Variants in MET observed in about 807,000 individuals in gnomAD.
The protein encoded by MET is hepatocyte growth factor receptor.
MET carries 48 observed loss-of-function variants against 133.1 expected under a neutral mutation model. The observed-to-expected ratio is 0.36, with a 90% confidence interval of 0.29 to 0.46. The LOEUF is 0.46. MET is among the 20% of genes least tolerant of loss of function. MET has a pLI of 1.00. For missense variants in MET, 1,442 were observed against 1,695.9 expected (o/e 0.85, Z 2.63); for synonymous variants, 628 against 616.5 (o/e 1.02, Z -0.28).
intron 13 of MET, 69 bp downstream of exon 13, chr7:116,771,723 C>T (rs755150738): frequency 3.0e-5 from 48 of 1,607,432 alleles, no homozygotes; most frequent in Middle Eastern, 1.7e-4. Flanking sequence ...TTAAGATTGT[C>T]GTCGATTCTT....
intron 17 of MET, among the ~76,000 whole-genome samples, chr7:116,779,384 A>G (rs1310741467): frequency 6.6e-6 from 1 of 152,190 alleles, no homozygotes; most frequent in Non-Finnish European, 1.5e-5. Flanking sequence ...CACCTCAGGA[A>G]CTTTGCACTT....
At chr7:116,749,376 G>A (rs1793828319) in intron 5 of MET, among the ~76,000 whole-genome samples, 1 of 152,168 alleles carries the variant, frequency 6.6e-6, no homozygotes, top group Non-Finnish European at 1.5e-5. Flanking sequence ...TATTGCAATA[G>A]ATGCAGAAAA....
chr7:116,722,622 G>A (rs1315824987), intron 2 of MET, among the ~76,000 whole-genome samples: 1 of 149,926 alleles, frequency 6.7e-6, no homozygotes, highest in Non-Finnish European at 1.5e-5. Flanking sequence ...GCTGGTACCG[G>A]TTGTTCCTTT....
chr7:116,727,175 G>A (rs1299926681), intron 2 of MET, among the ~76,000 whole-genome samples: 4 of 152,114 alleles, frequency 2.6e-5, no homozygotes, highest in African/African-American at 9.7e-5. Context: ...TTAAAGTCAG[G>A]GACTTAAATG....
intron 5 of MET, among the ~76,000 whole-genome samples, chr7:116,752,786 G>A (rs910361745): frequency 3.3e-5 from 5 of 152,010 alleles, no homozygotes; most frequent in Admixed American, 6.6e-5. Context: ...TGTGTAGAGT[G>A]ACAGACTTCA....
chr7:116,742,530 C>A (rs1044654231), intron 5 of MET, among the ~76,000 whole-genome samples: 3 of 152,118 alleles, frequency 2.0e-5, no homozygotes, highest in East Asian at 3.9e-4. Flanking sequence ...AATTTCATTT[C>A]AAAAATAACC....
intron 1 of MET, among the ~76,000 whole-genome samples, chr7:116,691,715 T>A (rs1796784048): frequency 6.6e-6 from 1 of 152,098 alleles, no homozygotes; most frequent in Non-Finnish European, 1.5e-5. Flanking sequence ...GCATCAGACA[T>A]CCCAAGTTAA....
At position 116,699,827 on chromosome 7, in the gene MET, A is replaced by T. The variant is rs769181927; in HGVS notation, c.743A>T (p.Lys248Met). 3.1e-6 allele frequency: 5 copies of T among 1,613,996 alleles called. No individual in the cohort carries two copies. The African/African-American group carries it at 5.3e-5, about 17-fold the overall frequency. ...GAGTTCAGAGATTCTTACCCCATTA[A>T]GTATGTCCATGCCTTTGAAAGCAAC... ...LPEFRDSYPI[K>M]YVHAFESNNF... The change falls in exon 2 of 21, where the codon AAG becomes ATG. Residue 248 changes from lysine to methionine, a missense_variant. Coordinates refer to ENST00000397752, the MANE Select transcript of MET (RefSeq NM_000245.4).
chr7:116,716,457 AAGAAAGAAAG>A (rs1331631723), intron 2 of MET, among the ~76,000 whole-genome samples: 22 of 146,028 alleles, frequency 1.5e-4, no homozygotes, highest in Admixed American at 5.6e-4. Flanking sequence ...AGAAAAAGAA[AAGAAAGAAAG>A]AGAAAGAAAG....
intron 1 of MET, among the ~76,000 whole-genome samples, chr7:116,672,971 T>C (rs1796027505): frequency 6.6e-6 from 1 of 152,160 alleles, no homozygotes; most frequent in Admixed American, 6.5e-5. Context: ...GTTCCCAGCC[T>C]TGCTTTATCT....
chr7:116,682,146 A>G (rs1796383939), intron 1 of MET, among the ~76,000 whole-genome samples: 1 of 152,344 alleles, frequency 6.6e-6, no homozygotes, highest in East Asian at 1.9e-4. Context: ...CCAAAAAAAA[A>G]TTGTTCTTTA....
chr7:116,727,463 G>T (rs533974682), intron 2 of MET, among the ~76,000 whole-genome samples: 1 of 152,098 alleles, frequency 6.6e-6, no homozygotes, highest in Non-Finnish European at 1.5e-5. Context: ...GCAGGAAAAA[G>T]TTTGATTTCC....
intron 1 of MET, among the ~76,000 whole-genome samples, chr7:116,676,122 T>A (rs1482172028): frequency 6.6e-6 from 1 of 152,222 alleles, no homozygotes; most frequent in Non-Finnish European, 1.5e-5. Flanking sequence ...ATAAAAAAGT[T>A]AACTTTGTAA....
At chr7:116,782,120 C>T (rs1255306147) in intron 18 of MET, 23 bp downstream of exon 18, 5 of 1,489,920 alleles carry the variant, frequency 3.4e-6, no homozygotes, top group South Asian at 2.3e-5. Context: ...ATCTCTGTGC[C>T]ACAATCCAAA....
chr7:116,775,302 T>G (rs1349460819), intron 15 of MET, among the ~76,000 whole-genome samples, 191 bp downstream of exon 15: 1 of 152,220 alleles, frequency 6.6e-6, no homozygotes, highest in East Asian at 1.9e-4. Flanking sequence ...CCCTTGTGCA[T>G]GGAAGCAATT....
At chr7:116,786,091 G>A (rs1488111638) in intron 19 of MET, among the ~76,000 whole-genome samples, 1 of 152,266 alleles carries the variant, frequency 6.6e-6, no homozygotes, top group Non-Finnish European at 1.5e-5. Flanking sequence ...AGAAGTCCAA[G>A]ATCAGGATGT....
intron 2 of MET, chr7:116,724,945 C>A: frequency 2.0e-6 from 2 of 1,004,014 alleles, no homozygotes; most frequent in Non-Finnish European, 2.7e-6. Context: ...GTGTCTAACA[C>A]ATTGTAAACA....
intron 3 of MET, among the ~76,000 whole-genome samples, chr7:116,732,179 A>AT (rs927479921): frequency 4.3e-4 from 65 of 151,736 alleles, no homozygotes; most frequent in African/African-American, 1.3e-3. Context: ...CTTCTAGGCA[A>AT]TTTTTTTTTA....
rs141733128 is a variant in MET, at chr7:116,759,445, G to A, written c.2319G>A (p.Pro773=). 9.9e-6 allele frequency: 16 copies of A among 1,613,772 alleles called. No individual in the cohort carries two copies. The highest frequency in any genetic ancestry group is 5.0e-5 in the Admixed American group (3 of 59,972). The change falls in exon 10 of 21, where the codon CCG becomes CCA. Residue 773 remains proline, a synonymous_variant. Coordinates refer to ENST00000397752, the MANE Select transcript of MET (RefSeq NM_000245.4). ...VGKNLNSVSV[P]RMVINVHEAG... Reference sequence around the variant, plus strand: ...AAAACCTGAATTCAGTTAGTGTCCCGAGAATGGTCATAAATGTGCATGAAG... The same window carrying A: ...AAAACCTGAATTCAGTTAGTGTCCCAAGAATGGTCATAAATGTGCATGAAG...
Sources: gnomAD v4.1 joint callset for allele counts (sites outside exome capture counted in the v4.1 genomes callset) on GRCh38, gnomAD v4.1.1 for gene constraint, MANE v1.5 for transcripts, NCBI Gene and HGNC (gene_info 2026-07-23, HGNC 2026-07-21) for gene names.